USO1: variants seen among roughly 807,000 people sequenced by gnomAD.
USO1 encodes USO1 vesicle transport factor.
Under a neutral mutation model 124.5 loss-of-function variants are expected in USO1, and 57 were observed. That is an observed-to-expected ratio of 0.46 (90% CI 0.37 to 0.57). The LOEUF (loss-of-function observed/expected upper bound fraction) is 0.57, where lower values mean the gene tolerates loss of function less well. USO1 is among the 20% of genes least tolerant of loss of function. USO1 has a pLI of 0.00. For synonymous variants in USO1, 369 were observed against 362.8 expected (o/e 1.02, Z -0.19); for missense variants, 900 against 1,040.6 (o/e 0.86, Z 1.86).
intron 1 of USO1, among the ~76,000 whole-genome samples, chr4:75,751,780 C>T (rs1465549568): frequency 1.3e-5 from 2 of 151,306 alleles, no homozygotes; most frequent in African/African-American, 2.4e-5. Context: ...TGCAGTGAGC[C>T]GAGATCGCAT....
chr4:75,764,799 T>C (rs976088783), intron 4 of USO1, among the ~76,000 whole-genome samples: 4 of 152,332 alleles, frequency 2.6e-5, no homozygotes, highest in Non-Finnish European at 5.9e-5. Flanking sequence ...TTGCCACTAT[T>C]ATAAATTGGG....
chr4:75,794,515 CT>C (rs1380794536), intron 13 of USO1, among the ~76,000 whole-genome samples: 1 of 152,174 alleles, frequency 6.6e-6, no homozygotes, highest in Non-Finnish European at 1.5e-5. Flanking sequence ...AGGAATGTCA[CT>C]TTTTGTTATG....
chr4:75,790,779 T>G lies in USO1; in HGVS notation c.1222T>G (p.Leu408Val). The change falls in exon 12 of 24, where the codon TTA becomes GTA. Residue 408 changes from leucine to valine, a missense_variant. Coordinates refer to ENST00000514213, the MANE Select transcript of USO1 (RefSeq NM_003715.4). ...KGQGEIVSTL[L>V]PSTIDATGNS... ...ACAAGGAGAAATCGTGTCAACACTT[T>G]TACCTTCTACCATTGATGGTAAATA... 1 of 1,606,226 alleles carries G rather than the reference T, an allele frequency of 6.2e-7. No individual in the cohort carries two copies.
chr4:75,741,320 CAAGT>C (rs1023284154), intron 1 of USO1, among the ~76,000 whole-genome samples: 7 of 152,050 alleles, frequency 4.6e-5, no homozygotes, highest in East Asian at 1.9e-4. Flanking sequence ...CTGGATGAGT[CAAGT>C]GAGTGAGTGG....
Position 75,812,373 on chromosome 4 carries a change from C to A in USO1, c.2797C>A (p.Pro933Thr). ...GAATAAACTCAAGGATCTTGGTCAT[C>A]CAGTAAGATTAAAATGTCTCCAAAA... ...LKNKLKDLGH[P>T]VEEEDELESG... is the part of the protein sequence containing the mutation. Residue 933 changes from proline (P) to threonine (T), a missense_variant and splice_region_variant, in exon 23 of 24, where the codon CCA (proline) becomes ACA (threonine). This residue lies in a region of USO1 where 362 missense variants were observed against 359.0 expected (regional missense o/e 1.01). Transcript: ENST00000514213. 1 of 1,576,598 alleles carries A rather than the reference C, an allele frequency of 6.3e-7. No individual in the cohort carries two copies. The highest frequency in any genetic ancestry group is 1.9e-5 in the Admixed American group (1 of 53,380).
chr4:75,733,150 T>C (rs1329378884), intron 1 of USO1, among the ~76,000 whole-genome samples: 1 of 151,786 alleles, frequency 6.6e-6, no homozygotes, highest in East Asian at 1.9e-4. Context: ...TCCCAGCTAC[T>C]TGGGAGGCTG....
chr4:75,744,190 C>T (rs1721055410), intron 1 of USO1, among the ~76,000 whole-genome samples: 1 of 152,222 alleles, frequency 6.6e-6, no homozygotes, highest in African/African-American at 2.4e-5. Flanking sequence ...ACCACTGCTT[C>T]AGGTTGCACT....
Position 75,724,846 on chromosome 4 carries a change from G to T in USO1, c.27G>T (p.Gly9=), listed in dbSNP as rs764566531. ...TGAATTTCCTCCGCGGGGTAATGGGGGGTCAGAGTGCCGGACCCCAGCACA... is the reference window on the plus strand; with the variant it reads ...TGAATTTCCTCCGCGGGGTAATGGGTGGTCAGAGTGCCGGACCCCAGCACA... MNFLRGVM[G]GQSAGPQHTE... is the part of the protein sequence containing the mutation. Residue 9 remains glycine, a synonymous_variant, in exon 1 of 24, where the codon GGG becomes GGT. Transcript: ENST00000514213. The T allele has an allele frequency of 1.2e-6, 2 of 1,613,852 alleles. No individual in the cohort carries two copies. Among genetic ancestry groups the T allele is most frequent in the African/African-American group, 1.3e-5 (1 of 75,058 alleles).
chr4:75,780,640 CTTTTT>C (rs71210204), intron 8 of USO1, among the ~76,000 whole-genome samples: 2 of 59,138 alleles, frequency 3.4e-5, no homozygotes, highest in Admixed American at 6.3e-4. Context: ...TAAATTTTGA[CTTTTT>C]TTTTTTTTTT....
intron 4 of USO1, among the ~76,000 whole-genome samples, chr4:75,759,587 C>CT (rs1721542601): frequency 7.0e-6 from 1 of 143,518 alleles, no homozygotes; most frequent in Non-Finnish European, 1.5e-5. Flanking sequence ...GAGTGAGACT[C>CT]TGTCTCAAAA....
chr4:75,769,340 C>T lies in USO1; in HGVS notation c.296-1099C>T, dbSNP rs562325394. The stretch of plus-strand genomic sequence containing the variant: ...TTTCTTGGAGTTTCTGAAGGATAAA[C>T]CCAGCATATTTAGGTAATTAATCAA... On this transcript the variant is annotated intron_variant, in intron 4 of 23. Transcript: ENST00000514213. 4.6e-5 allele frequency among the ~76,000 whole-genome samples: 7 copies of T among 152,246 alleles called. 1 individual carries two copies. The South Asian group carries it at 1.2e-3, about 27-fold the overall frequency.
intron 1 of USO1, among the ~76,000 whole-genome samples, chr4:75,731,452 C>T (rs1193843839): frequency 6.6e-6 from 1 of 151,784 alleles, no homozygotes; most frequent in African/African-American, 2.4e-5. Flanking sequence ...ATCCCAGCTA[C>T]TAGGGAGGCT....
At chr4:75,804,076 C>T in intron 17 of USO1, 58 bp from the exon 18 acceptor site, 1 of 1,558,342 alleles carries the variant, frequency 6.4e-7, no homozygotes, top group Non-Finnish European at 8.7e-7. Flanking sequence ...AATGTGTTCA[C>T]CTTCTTAATG....
At chr4:75,751,763 C>T (rs1031004554) in intron 1 of USO1, among the ~76,000 whole-genome samples, 79,396 of 150,758 alleles carry the variant, frequency 0.53, 22,879 homozygotes, top group East Asian at 0.81. Context: ...ACCCAGGAGG[C>T]GGAGGTTGCA....
chr4:75,780,640 C>CTTTTTTTTTTTTTTT (rs71210204), intron 8 of USO1, among the ~76,000 whole-genome samples: 1 of 59,138 alleles, frequency 1.7e-5, no homozygotes, highest in Non-Finnish European at 2.9e-5. Context: ...TAAATTTTGA[C>CTTTTTTTTTTTTTTT]TTTTTTTTTT....
chr4:75,793,403 C>A (rs181061459), intron 12 of USO1, among the ~76,000 whole-genome samples: 150 of 152,034 alleles, frequency 9.9e-4, no homozygotes, highest in African/African-American at 3.4e-3. Context: ...CCTCAGCCTT[C>A]CAAAGTGCGA....
intron 13 of USO1, among the ~76,000 whole-genome samples, chr4:75,796,636 C>G (rs947262141): frequency 1.3e-5 from 2 of 152,052 alleles, no homozygotes; most frequent in South Asian, 4.1e-4. Flanking sequence ...CCGCGCCCAG[C>G]CCGCAGCTTC....
chr4:75,758,429 G>A (rs1371721894), intron 4 of USO1, among the ~76,000 whole-genome samples: 2 of 152,140 alleles, frequency 1.3e-5, no homozygotes, highest in Non-Finnish European at 2.9e-5. Flanking sequence ...TAATAAAGAA[G>A]TATAGATACA....
intron 1 of USO1, among the ~76,000 whole-genome samples, chr4:75,725,593 A>G (rs1342261748): frequency 6.7e-6 from 1 of 149,814 alleles, no homozygotes; most frequent in Admixed American, 6.8e-5. Context: ...CTGAACTCCT[A>G]ATGACATGAT....
Sources: gnomAD v4.1 joint callset for allele counts (sites outside exome capture counted in the v4.1 genomes callset) on GRCh38, gnomAD v4.1.1 for gene constraint, gnomAD v4.1.1 regional missense constraint, MANE v1.5 for transcripts, NCBI Gene and HGNC (gene_info 2026-07-23, HGNC 2026-07-21) for gene names.